The following ESYT2 variants were observed in gnomAD, a reference collection of about 807,000 sequenced individuals.
ESYT2 encodes the protein extended synaptotagmin 2.
In ESYT2, 54 loss-of-function variants were observed where a neutral mutation model predicts 107.2. The ratio of observed to expected loss-of-function variants is 0.50; its 90% CI spans 0.40 to 0.63. ESYT2 has a LOEUF of 0.63. Ranked by LOEUF, ESYT2 falls within the 30% of genes least tolerant of loss-of-function variation. The pLI is 0.00. For missense variants in ESYT2, 1,020 were observed against 1,094.5 expected (o/e 0.93, Z 0.96); for synonymous variants, 491 against 434.1 (o/e 1.13, Z -1.63).
At chr7:158,810,537 A>C (rs1471838130) in intron 1 of ESYT2, among the ~76,000 whole-genome samples, 1 of 152,046 alleles carries the variant, frequency 6.6e-6, no homozygotes, top group Non-Finnish European at 1.5e-5. Context: ...TGAAAATTAG[A>C]TGGGCATGGT....
At chr7:158,781,911 CAG>C (rs921148889) in intron 6 of ESYT2, among the ~76,000 whole-genome samples, 10 of 127,224 alleles carry the variant, frequency 7.9e-5, no homozygotes, top group African/African-American at 1.2e-4. Context: ...GAGTGAACGA[CAG>C]AACAAAGTGT....
At chr7:158,800,054 ATT>A (rs34029280) in intron 1 of ESYT2, among the ~76,000 whole-genome samples, 2 of 145,350 alleles carry the variant, frequency 1.4e-5, no homozygotes. Context: ...TGGCCTCTTA[ATT>A]TTTTTTTTTT....
At position 158,734,216 on chromosome 7, in the gene ESYT2, C is replaced by G. The variant is rs191485228; in HGVS notation, c.2592G>C (p.Ala864=). The G allele has an allele frequency of 6.2e-7, 1 of 1,614,116 alleles. No homozygotes were observed. Among genetic ancestry groups the G allele is most frequent in the Non-Finnish European group, 8.5e-7 (1 of 1,180,044 alleles). Reference sequence around the variant, plus strand: ...CTCCTGCCTGCTGCGGCTATGTCATCGCCTGAGGCCTCGTCCCATCTTCCG... The same window carrying G: ...CTCCTGCCTGCTGCGGCTATGTCATGGCCTGAGGCCTCGTCCCATCTTCCG... ...DLTEDGTRPQ[A]MT Residue 864 remains alanine, a synonymous_variant, in exon 23 of 23, where the codon GCG becomes GCC. Transcript: ENST00000275418.
chr7:158,803,165 T>TC (rs1024975896), intron 1 of ESYT2, among the ~76,000 whole-genome samples: 1 of 152,204 alleles, frequency 6.6e-6, no homozygotes, highest in African/African-American at 2.4e-5. Flanking sequence ...AACGCGCCGT[T>TC]CCCCGGAGCA....
chr7:158,795,087 G>A (rs1413910227), intron 3 of ESYT2, among the ~76,000 whole-genome samples: 1 of 152,190 alleles, frequency 6.6e-6, no homozygotes, highest in Non-Finnish European at 1.5e-5. Context: ...CACTCCAGAT[G>A]ACTGGGCATT....
intron 1 of ESYT2, among the ~76,000 whole-genome samples, chr7:158,809,480 A>AAAAC (rs1839931403): frequency 6.7e-6 from 1 of 149,930 alleles, no homozygotes; most frequent in African/African-American, 2.4e-5. Flanking sequence ...ATCTCAAAAA[A>AAAAC]AAAAAAAAAA....
At chr7:158,768,698 G>A (rs879263434) in intron 7 of ESYT2, among the ~76,000 whole-genome samples, 8 of 152,176 alleles carry the variant, frequency 5.3e-5, no homozygotes, top group Non-Finnish European at 7.4e-5. Context: ...GATTATAGGC[G>A]TAAGCCACCA....
intron 22 of ESYT2, 48 bp downstream of exon 22, chr7:158,734,374 G>A (rs373667014): frequency 5.8e-5 from 93 of 1,612,230 alleles, no homozygotes; most frequent in African/African-American, 1.7e-4. Context: ...CGGGGAAAGC[G>A]TTTTTAGCTA....
chr7:158,800,927 C>A (rs758098217), intron 1 of ESYT2, among the ~76,000 whole-genome samples: 57 of 152,128 alleles, frequency 3.7e-4, no homozygotes, highest in Non-Finnish European at 7.5e-4. Flanking sequence ...TGGGGTTTCA[C>A]CATGTTGTCC....
chr7:158,782,161 G>T (rs1271502187), intron 6 of ESYT2, among the ~76,000 whole-genome samples: 4 of 152,056 alleles, frequency 2.6e-5, no homozygotes, highest in East Asian at 3.9e-4. Flanking sequence ...GTGTGAGTGT[G>T]AGAACAGTGA....
chr7:158,770,514 TA>T (rs1279021357), intron 7 of ESYT2, among the ~76,000 whole-genome samples: 4 of 150,634 alleles, frequency 2.7e-5, no homozygotes, highest in African/African-American at 9.8e-5. Flanking sequence ...CGATTATATA[TA>T]TATATATTTT....
Position 158,760,116 on chromosome 7 carries a change from T to C in ESYT2, c.1265A>G (p.Lys422Arg). Reference sequence around the variant, plus strand: ...GAGCCACTCCAGTCTCAAGTGTAGCTTCCCCTTGGGAACCTCGTCCAGAGT... The same window carrying C: ...GAGCCACTCCAGTCTCAAGTGTAGCCTCCCCTTGGGAACCTCGTCCAGAGT... ...WFTLDEVPKG[K>R]LHLRLEWLTL... The change falls in exon 12 of 23, where the codon AAG becomes AGG. Residue 422 changes from lysine to arginine, a missense_variant. Physicochemically the swap from Lys to Arg is conservative, Grantham distance 26. Transcript: ENST00000275418. 1.2e-6 allele frequency: 2 copies of C among 1,614,206 alleles called. No individual in the cohort carries two copies. The highest frequency in any genetic ancestry group is 1.3e-5 in the African/African-American group (1 of 75,054).
intron 6 of ESYT2, among the ~76,000 whole-genome samples, chr7:158,781,836 AGT>A (rs200177412): frequency 4.9e-4 from 72 of 145,802 alleles, no homozygotes; most frequent in Middle Eastern, 3.9e-3. Context: ...AACGAGAACA[AGT>A]GTGTGTGAAC....
At chr7:158,811,691 C>T (rs73525631) in intron 1 of ESYT2, among the ~76,000 whole-genome samples, 3,206 of 152,252 alleles carry the variant, frequency 0.021, 110 homozygotes, top group African/African-American at 0.071. Context: ...TGGCTGTTCT[C>T]CTTCAAGGTT....
chr7:158,775,275 G>A (rs73167248), intron 6 of ESYT2, among the ~76,000 whole-genome samples: 2,402 of 152,286 alleles, frequency 0.016, 27 homozygotes, highest in Admixed American at 0.026. Context: ...AGTGCTGATG[G>A]TTGCTGACTG....
chr7:158,756,822 T>A (rs1317959212), intron 13 of ESYT2, among the ~76,000 whole-genome samples: 3 of 147,304 alleles, frequency 2.0e-5, no homozygotes, highest in African/African-American at 7.7e-5. Flanking sequence ...GGCAGGAGAA[T>A]CACTTGAACA....
chr7:158,771,334 G>C (rs539695337), intron 7 of ESYT2, among the ~76,000 whole-genome samples: 1 of 152,230 alleles, frequency 6.6e-6, no homozygotes, highest in South Asian at 2.1e-4. Flanking sequence ...GTGGATGTTT[G>C]TTCCATTTGG....
At chr7:158,798,203 T>C (rs1444707335) in intron 2 of ESYT2, 127 bp from the exon 3 acceptor site, 11 of 974,920 alleles carry the variant, frequency 1.1e-5, no homozygotes. Flanking sequence ...AGGATCTTGT[T>C]GTTATGCAAA....
chr7:158,750,607 A>G (rs963177025), intron 14 of ESYT2, among the ~76,000 whole-genome samples: 5 of 152,198 alleles, frequency 3.3e-5, no homozygotes, highest in East Asian at 1.9e-4. Context: ...GCAATAATCT[A>G]TTTTCTGGTT....
Sources: allele counts gnomAD v4.1 joint callset (sites outside exome capture counted in the v4.1 genomes callset), GRCh38; gene constraint gnomAD v4.1.1; transcripts MANE v1.5; gene names NCBI Gene and HGNC (gene_info 2026-07-23, HGNC 2026-07-21).